The following PPFIBP1 variants were observed in gnomAD, a reference collection of about 807,000 sequenced individuals.
The protein encoded by PPFIBP1 is PPFIB scaffold protein 1.
PPFIBP1 carries 112 observed loss-of-function variants against 137.8 expected under a neutral mutation model. The ratio of observed to expected loss-of-function variants is 0.81; its 90% CI spans 0.70 to 0.95. The LOEUF (loss-of-function observed/expected upper bound fraction) is 0.95, where lower values mean the gene tolerates loss of function less well. PPFIBP1 is among the 40% of genes least tolerant of loss of function. The pLI is 0.00. For synonymous variants in PPFIBP1, 378 were observed against 417.3 expected (o/e 0.91, Z 1.15); for missense variants, 1,083 against 1,196.6 (o/e 0.91, Z 1.40).
At chr12:27,637,226 T>G (rs1006855048) in intron 4 of PPFIBP1, 4 of 152,234 alleles carry the variant, frequency 2.6e-5, no homozygotes, top group African/African-American at 9.6e-5. Context: ...AAAAAATTAC[T>G]GTATCCCTGG....
intron 1 of PPFIBP1, among the ~76,000 whole-genome samples, chr12:27,564,287 A>G (rs1305343132): frequency 6.6e-6 from 1 of 152,250 alleles, no homozygotes; most frequent in Non-Finnish European, 1.5e-5. Context: ...TCTGCATGTA[A>G]GAAGACAGAA....
At chr12:27,619,728 C>T (rs548965005) in intron 2 of PPFIBP1, among the ~76,000 whole-genome samples, 2 of 152,248 alleles carry the variant, frequency 1.3e-5, no homozygotes, top group South Asian at 2.1e-4. Context: ...GCAATAGAAA[C>T]GTTGCTGTCT....
chr12:27,573,668 G>A (rs1260296626), intron 1 of PPFIBP1, among the ~76,000 whole-genome samples: 1 of 152,178 alleles, frequency 6.6e-6, no homozygotes, highest in Non-Finnish European at 1.5e-5. Flanking sequence ...AAACCAGTTG[G>A]AGACTAGCGT....
intron 2 of PPFIBP1, among the ~76,000 whole-genome samples, chr12:27,596,934 T>G (rs1247358001): frequency 6.6e-6 from 1 of 152,170 alleles, no homozygotes; most frequent in Non-Finnish European, 1.5e-5. Context: ...GCCCATATCC[T>G]AACCTCTACA....
chr12:27,600,432 G>T (rs574759067), intron 2 of PPFIBP1, among the ~76,000 whole-genome samples: 7 of 141,500 alleles, frequency 4.9e-5, no homozygotes, highest in African/African-American at 1.8e-4. Flanking sequence ...GCGAAACTCC[G>T]TCTCAAAAAA....
At chr12:27,572,846 T>A (rs574446025) in intron 1 of PPFIBP1, among the ~76,000 whole-genome samples, 2 of 152,326 alleles carry the variant, frequency 1.3e-5, no homozygotes, top group African/African-American at 4.8e-5. Context: ...TAACATGTAA[T>A]TTCTTCATCT....
rs555915514 is a variant in PPFIBP1 at position 27,580,130 on chromosome 12, G to GT, written c.-36+1892dup. Among the ~76,000 whole-genome samples the GT allele has an allele frequency of 1.8e-3, 271 of 152,304 alleles. 2 individuals are homozygous for GT. The South Asian group carries it at 0.035, about 20-fold the overall frequency. ...AGACTCAGCTTGTGAGACCCGATGTGTCTAGGGAGACGAATAGAGAAAGAA... is the reference window on the plus strand; with the variant it reads ...AGACTCAGCTTGTGAGACCCGATGTGTTCTAGGGAGACGAATAGAGAAAGAA... On this transcript the variant is annotated intron_variant, in intron 2 of 29. Transcript: ENST00000228425.
chr12:27,654,825 C>A lies in PPFIBP1; in HGVS notation c.696+11C>A. 1 of 1,609,382 alleles carries A rather than the reference C, an allele frequency of 6.2e-7. No homozygotes were observed. Among genetic ancestry groups the A allele is most frequent in the South Asian group, 1.1e-5 (1 of 89,876 alleles). On this transcript the variant is annotated intron_variant, in intron 8 of 29. Transcript: ENST00000228425. ...CTTAAATCAACCAAAGTAAGTTTTT[C>A]TCACAGGTTAACATTTTCAAACAAA...
chr12:27,649,876 G>C, intron 6 of PPFIBP1, 134 bp from the exon 7 acceptor site: 1 of 828,696 alleles, frequency 1.2e-6, no homozygotes, highest in Non-Finnish European at 1.8e-6. Context: ...TTTTAAAAGT[G>C]TGTAGATTCA....
Position 27,681,716 on chromosome 12 carries a change from G to A in PPFIBP1, c.2046+20G>A. On this transcript the variant is annotated intron_variant, in intron 22 of 29. Transcript: ENST00000228425. Reference sequence around the variant, plus strand: ...GAGAAGGTGACTGCTTCTCTGTTTTGTTCACACAATGGATACTGAGAAGAA... The same window carrying A: ...GAGAAGGTGACTGCTTCTCTGTTTTATTCACACAATGGATACTGAGAAGAA... 1 of 1,613,016 alleles carries A rather than the reference G, an allele frequency of 6.2e-7. No individual in the cohort carries two copies. Among genetic ancestry groups the A allele is most frequent in the Non-Finnish European group, 8.5e-7 (1 of 1,179,144 alleles).
rs371303561 is a variant in PPFIBP1, at chr12:27,692,588, C to T, written c.2866-3C>T. On this transcript the variant is annotated splice_polypyrimidine_tract_variant and splice_region_variant and intron_variant, in intron 28 of 29. Transcript: ENST00000228425. Reference sequence around the variant, plus strand: ...ATGTCATGTTATGGTTTGTTATTTGCAGATGGAAGATTCAGAAGGGACAGT... The same window carrying T: ...ATGTCATGTTATGGTTTGTTATTTGTAGATGGAAGATTCAGAAGGGACAGT... 3 of 1,612,888 alleles carry T rather than the reference C, an allele frequency of 1.9e-6. No individual in the cohort carries two copies. Among genetic ancestry groups the T allele is most frequent in the Non-Finnish European group, 2.5e-6 (3 of 1,179,574 alleles).
chr12:27,691,014 C>T (rs973584086), intron 27 of PPFIBP1, among the ~76,000 whole-genome samples: 4 of 149,718 alleles, frequency 2.7e-5, no homozygotes, highest in African/African-American at 9.9e-5. Context: ...TTTTTTTTTA[C>T]CCCCTCTATC....
chr12:27,558,467 T>TACACACACACACACACACAC (rs10677887), intron 1 of PPFIBP1, among the ~76,000 whole-genome samples: 2 of 129,280 alleles, frequency 1.5e-5, no homozygotes, highest in Non-Finnish European at 3.2e-5. Flanking sequence ...CAGTATGTTA[T>TACACACACACACACACACAC]ACACACACAC....
intron 11 of PPFIBP1, 121 bp from the exon 12 acceptor site, chr12:27,664,239 GCT>G: frequency 1.6e-6 from 1 of 641,234 alleles, no homozygotes; most frequent in Non-Finnish European, 2.7e-6. Context: ...TTTTTTAAAT[GCT>G]CTCTCGGCAG....
intron 2 of PPFIBP1, among the ~76,000 whole-genome samples, chr12:27,595,886 AATATATATATATATAT>A (rs201970397): frequency 0.047 from 4,842 of 102,350 alleles, 135 homozygotes; most frequent in South Asian, 0.069. Flanking sequence ...ACAACAACAA[AATATATATATATATAT>A]ATATATATAT....
chr12:27,567,935 T>C (rs1487200326), intron 1 of PPFIBP1, among the ~76,000 whole-genome samples: 2 of 152,166 alleles, frequency 1.3e-5, no homozygotes, highest in Admixed American at 6.5e-5. Flanking sequence ...TATTGCTATG[T>C]TGCCCAGGCT....
intron 2 of PPFIBP1, among the ~76,000 whole-genome samples, chr12:27,621,445 T>G (rs1276509425): frequency 6.6e-6 from 1 of 152,244 alleles, no homozygotes; most frequent in African/African-American, 2.4e-5. Context: ...ACATTACCCC[T>G]TAGTATTTGG....
chr12:27,671,625 TAC>T, intron 14 of PPFIBP1, 79 bp downstream of exon 14: 1 of 900,740 alleles, frequency 1.1e-6, no homozygotes, highest in Non-Finnish European at 1.7e-6. Context: ...TGCATTTATT[TAC>T]AGACACAATT....
At chr12:27,658,667 C>A (rs536555089) in intron 9 of PPFIBP1, 149 bp from the exon 10 acceptor site, 3 of 747,556 alleles carry the variant, frequency 4.0e-6, no homozygotes, top group Admixed American at 5.3e-5. Flanking sequence ...ACTACCAATC[C>A]TGCAGTCACA....
Sources: gnomAD v4.1 joint callset for allele counts (sites outside exome capture counted in the v4.1 genomes callset) on GRCh38, gnomAD v4.1.1 for gene constraint, MANE v1.5 for transcripts, NCBI Gene and HGNC (gene_info 2026-07-23, HGNC 2026-07-21) for gene names.